Variants in FBN2 observed in about 807,000 individuals in gnomAD.
The protein encoded by FBN2 is fibrillin-2.
FBN2 carries 105 observed loss-of-function variants against 355.6 expected under a neutral mutation model. That is an observed-to-expected ratio of 0.30 (90% CI 0.25 to 0.35). The LOEUF is 0.35. Ranked by LOEUF, FBN2 falls within the 10% of genes least tolerant of loss-of-function variation. The pLI is 1.00. For missense variants in FBN2, 3,280 were observed against 3,758.7 expected, an observed-to-expected ratio of 0.87 and a Z score of 3.33; for synonymous variants, 1,350 against 1,301.2, an observed-to-expected ratio of 1.04 and a Z score of -0.81.
intron 20 of FBN2, among the ~76,000 whole-genome samples, chr5:128,351,689 T>C (rs1422452150): frequency 2.0e-5 from 3 of 152,140 alleles, no homozygotes; most frequent in African/African-American, 4.8e-5. Flanking sequence ...ATTAATATAA[T>C]TATATCTATT....
rs1765347307 is a variant in FBN2, at chr5:128,274,745, G to C, written c.7595-62C>G. On this transcript the variant is annotated intron_variant, in intron 59 of 64. Transcript: ENST00000262464. ...ACTATCTGGCTATGTTTCCTTTCTTGTGAAGCCACAGGAGATGCACATGCT... is the reference window on the plus strand; with the variant it reads ...ACTATCTGGCTATGTTTCCTTTCTTCTGAAGCCACAGGAGATGCACATGCT... 2.9e-6 allele frequency: 3 copies of C among 1,034,736 alleles called. No homozygotes were observed. The East Asian group carries it at 7.1e-5, about 25-fold the overall frequency. 64.1% of individuals were successfully genotyped at this position (1,034,736 alleles called of 1,614,324 possible). A position where few individuals can be genotyped will look rare whatever the true frequency, so the allele number is the denominator to read the frequency against.
chr5:128,272,616 A>G (rs986434527), intron 61 of FBN2, among the ~76,000 whole-genome samples: 1 of 151,824 alleles, frequency 6.6e-6, no homozygotes, highest in Non-Finnish European at 1.5e-5. Flanking sequence ...AATTTTTATT[A>G]CCATTCAAGA....
At chr5:128,287,268 A>G (rs1749180699) in intron 54 of FBN2, 40 bp downstream of exon 54, 1 of 1,609,480 alleles carries the variant, frequency 6.2e-7, no homozygotes, top group Non-Finnish European at 8.5e-7. Context: ...CTCCAGCATG[A>G]CAAATAAAGT....
intron 7 of FBN2, among the ~76,000 whole-genome samples, chr5:128,410,791 T>A (rs72785132): frequency 4.6e-5 from 7 of 152,344 alleles, no homozygotes; most frequent in Non-Finnish European, 1.0e-4. Context: ...AAAAAACCTA[T>A]GTGTTTCACA....
intron 48 of FBN2, among the ~76,000 whole-genome samples, chr5:128,296,537 G>C (rs1036535456): frequency 3.9e-5 from 6 of 152,058 alleles, no homozygotes; most frequent in African/African-American, 1.5e-4. Flanking sequence ...TCTATTCAGA[G>C]ATTCAACTTC....
At chr5:128,315,534 G>C (rs554273818) in intron 36 of FBN2, among the ~76,000 whole-genome samples, 1 of 152,308 alleles carries the variant, frequency 6.6e-6, no homozygotes, top group East Asian at 1.9e-4. Flanking sequence ...TGAGAGGACA[G>C]CCGTCTTCTT....
At chr5:128,464,680 G>T in intron 6 of FBN2, 44 bp downstream of exon 6, 1 of 1,593,666 alleles carries the variant, frequency 6.3e-7, no homozygotes, top group Non-Finnish European at 8.6e-7. Flanking sequence ...AAAAAGAGAA[G>T]TGGCAGGTCT....
At chr5:128,392,346 T>C (rs1248282441) in intron 10 of FBN2, among the ~76,000 whole-genome samples, 191 bp from the exon 11 acceptor site, 1 of 152,228 alleles carries the variant, frequency 6.6e-6, no homozygotes, top group Non-Finnish European at 1.5e-5. Context: ...AACTTGTATC[T>C]GTTAAGTTAC....
intron 4 of FBN2, among the ~76,000 whole-genome samples, chr5:128,519,962 T>C (rs1387788236): frequency 6.6e-6 from 1 of 151,814 alleles, no homozygotes. Context: ...AGCTATAAAA[T>C]GCCAAAAGAA....
chr5:128,332,464 G>A (rs2126891489), intron 32 of FBN2, among the ~76,000 whole-genome samples: 1 of 152,254 alleles, frequency 6.6e-6, no homozygotes, highest in African/African-American at 2.4e-5. Flanking sequence ...ATGCAAGAAA[G>A]CATTTACAAT....
At chr5:128,374,842 C>A (rs1234484891) in intron 14 of FBN2, 92 bp from the exon 15 acceptor site, 8 of 1,341,762 alleles carry the variant, frequency 6.0e-6, no homozygotes, top group Non-Finnish European at 8.5e-6. Flanking sequence ...TACTACTAAC[C>A]TTTTGTTTAT....
At chr5:128,346,831 TGAG>T (rs1487418619) in intron 23 of FBN2, among the ~76,000 whole-genome samples, 2 of 152,176 alleles carry the variant, frequency 1.3e-5, no homozygotes, top group African/African-American at 4.8e-5. Flanking sequence ...CCCAGCTACC[TGAG>T]AAAAAGTCCT....
intron 8 of FBN2, among the ~76,000 whole-genome samples, chr5:128,397,910 G>C (rs1037127599): frequency 6.6e-6 from 1 of 152,056 alleles, no homozygotes; most frequent in African/African-American, 2.4e-5. Flanking sequence ...TCGTAAGGTA[G>C]GGTTCCAAAG....
rs371389512 is a variant in FBN2 at position 128,340,882 on chromosome 5, G to C, written c.3344-1821C>G. On this transcript the variant is annotated intron_variant, in intron 25 of 64. Coordinates refer to ENST00000262464, the MANE Select transcript of FBN2 (RefSeq NM_001999.4). Reference sequence around the variant, plus strand: ...CTGCTAAGAATGGGTAATTTGGAGGGTGTGGCTTTTGAATTGGTTCTTGAA... The same window carrying C: ...CTGCTAAGAATGGGTAATTTGGAGGCTGTGGCTTTTGAATTGGTTCTTGAA... Among the ~76,000 whole-genome samples, 3 of 152,228 alleles carry C rather than the reference G, an allele frequency of 2.0e-5. No homozygotes were observed. In the South Asian group the frequency reaches 6.2e-4, roughly 32 times the overall value.
At chr5:128,325,009 G>A (rs1442038974) in intron 34 of FBN2, among the ~76,000 whole-genome samples, 1 of 152,180 alleles carries the variant, frequency 6.6e-6, no homozygotes, top group Non-Finnish European at 1.5e-5. Context: ...TGCATTTGCT[G>A]AGGAGTGTTT....
Position 128,392,101 on chromosome 5 carries a change from T to C in FBN2, c.1520A>G (p.Asn507Ser). 1 of 1,613,630 alleles carries C rather than the reference T, an allele frequency of 6.2e-7. No individual in the cohort carries two copies. The highest frequency in any genetic ancestry group is 8.5e-7 in the Non-Finnish European group (1 of 1,179,608). ...ICKHHANLCL[N>S]GRCIPTVSSY... is the part of the protein sequence containing the mutation. ...TGAGACAGTTGGTATACAGCGTCCA[T>C]TTAAACAAAGGTTAGCATGATGCTT... The change falls in exon 11 of 65, where the codon AAT (asparagine) becomes AGT (serine). Residue 507 changes from asparagine (N) to serine (S), a missense_variant. Coordinates refer to ENST00000262464, the MANE Select transcript of FBN2 (RefSeq NM_001999.4).
At chr5:128,327,208 A>T (rs456352) in intron 34 of FBN2, among the ~76,000 whole-genome samples, 5 of 152,224 alleles carry the variant, frequency 3.3e-5, no homozygotes, top group African/African-American at 9.7e-5. Context: ...CTTGTGGGTC[A>T]ACGTAGAAGC....
At chr5:128,430,167 T>C (rs1236715545) in intron 7 of FBN2, among the ~76,000 whole-genome samples, 1 of 152,154 alleles carries the variant, frequency 6.6e-6, no homozygotes, top group African/African-American at 2.4e-5. Flanking sequence ...TAAATATTAC[T>C]TGCAAATATT....
At chr5:128,329,148 A>G (rs1231693648) in intron 33 of FBN2, among the ~76,000 whole-genome samples, 4 of 152,158 alleles carry the variant, frequency 2.6e-5, no homozygotes, top group Non-Finnish European at 4.4e-5. Context: ...CATTATTTAG[A>G]TATGAAAAAG....
Sources: allele counts gnomAD v4.1 joint callset (sites outside exome capture counted in the v4.1 genomes callset), GRCh38; gene constraint gnomAD v4.1.1; transcripts MANE v1.5; gene names NCBI Gene and HGNC (gene_info 2026-07-23, HGNC 2026-07-21).